Variants in PIK3R3 observed in about 807,000 individuals in gnomAD.
PIK3R3 encodes phosphatidylinositol 3-kinase regulatory subunit gamma.
PIK3R3 carries 64 observed loss-of-function variants against 62.9 expected under a neutral mutation model. The ratio of observed to expected loss-of-function variants is 1.02; its 90% CI spans 0.83 to 1.25. The LOEUF (loss-of-function observed/expected upper bound fraction) is 1.25. Among genes scored for constraint, PIK3R3 ranks in the 50% most tolerant of loss-of-function variants. The probability of loss-of-function intolerance (pLI) is 0.00; values close to 1 mark genes in which losing one functional copy is unlikely to be tolerated. For missense variants in PIK3R3, 614 were observed against 561.6 expected, an observed-to-expected ratio of 1.09 and a Z score of -0.94; for synonymous variants, 165 against 189.0, an observed-to-expected ratio of 0.87 and a Z score of 1.04.
intron 7 of PIK3R3, among the ~76,000 whole-genome samples, chr1:46,054,900 T>C (rs1005966944): frequency 2.0e-5 from 3 of 152,166 alleles, no homozygotes; most frequent in African/African-American, 7.2e-5. Context: ...AAATAAAGAA[T>C]GTCATTTTGT....
intron 3 of PIK3R3, among the ~76,000 whole-genome samples, chr1:46,068,256 A>G: frequency 6.6e-6 from 1 of 152,236 alleles, no homozygotes; most frequent in East Asian, 1.9e-4. Context: ...CAATAATTGC[A>G]AGCTGGCCTC....
chr1:46,120,724 C>T (rs1203355379), intron 1 of PIK3R3, among the ~76,000 whole-genome samples: 1 of 152,114 alleles, frequency 6.6e-6, no homozygotes, highest in South Asian at 2.1e-4. Flanking sequence ...CAATTCTCTC[C>T]CTCTTCCTCT....
chr1:46,153,596 C>G, the PIK3R3 span, among the ~76,000 whole-genome samples: 1 of 152,222 alleles, frequency 6.6e-6, no homozygotes, highest in Non-Finnish European at 1.5e-5. Flanking sequence ...ACCTGACTTC[C>G]TCCTCTCTTT....
chr1:46,163,882 T>C, the PIK3R3 span, among the ~76,000 whole-genome samples: 7 of 152,302 alleles, frequency 4.6e-5, no homozygotes, highest in Admixed American at 2.0e-4. Context: ...TGGATTCTCT[T>C]TGGGAACAGT....
chr1:46,086,416 T>A (rs1651060137), intron 1 of PIK3R3, among the ~76,000 whole-genome samples: 1 of 152,034 alleles, frequency 6.6e-6, no homozygotes, highest in Non-Finnish European at 1.5e-5. Flanking sequence ...TGATTGCACA[T>A]GTGAATAGCC....
chr1:46,145,931 G>A, the PIK3R3 span, among the ~76,000 whole-genome samples: 1 of 151,938 alleles, frequency 6.6e-6, no homozygotes, highest in Middle Eastern at 3.2e-3. Flanking sequence ...GTTGAGAAGA[G>A]GGAGGTGAGA....
the PIK3R3 span, among the ~76,000 whole-genome samples, chr1:46,146,686 T>TACACACACACACACAC: frequency 5.4e-5 from 5 of 92,880 alleles, no homozygotes; most frequent in African/African-American, 1.3e-4. Context: ...CCTCCAACTC[T>TACACACACACACACAC]ACACACACAC....
chr1:46,083,660 C>A (rs1200141469), intron 1 of PIK3R3, among the ~76,000 whole-genome samples: 1 of 152,006 alleles, frequency 6.6e-6, no homozygotes, highest in Non-Finnish European at 1.5e-5. Flanking sequence ...AAACAAGTGG[C>A]CAATAAGCAC....
chr1:46,113,908 GT>G (rs1376824064), intron 1 of PIK3R3, among the ~76,000 whole-genome samples: 1 of 152,190 alleles, frequency 6.6e-6, no homozygotes, highest in Non-Finnish European at 1.5e-5. Context: ...TATAAAGGTG[GT>G]AGGTAGTACA....
At chr1:46,161,188 G>A in the PIK3R3 span, among the ~76,000 whole-genome samples, 1 of 151,698 alleles carries the variant, frequency 6.6e-6, no homozygotes, top group Non-Finnish European at 1.5e-5. Flanking sequence ...TTGAACTCCT[G>A]GGCTCAAATG....
intron 3 of PIK3R3, among the ~76,000 whole-genome samples, chr1:46,076,067 G>A (rs1650042615): frequency 6.6e-6 from 1 of 152,052 alleles, no homozygotes; most frequent in Admixed American, 6.5e-5. Flanking sequence ...TCACACTGAG[G>A]GGCGATCTTC....
intron 1 of PIK3R3, among the ~76,000 whole-genome samples, chr1:46,091,713 T>A (rs1255125391): frequency 6.6e-6 from 1 of 152,106 alleles, no homozygotes; most frequent in Non-Finnish European, 1.5e-5. Flanking sequence ...ACATATATAA[T>A]CATCCCTCAG....
intron 1 of PIK3R3, 81 bp from the exon 2 acceptor site, chr1:46,080,831 A>G: frequency 1.2e-6 from 1 of 818,164 alleles, no homozygotes; most frequent in Non-Finnish European, 2.1e-6. Context: ...TCACTAACCA[A>G]GGTATGTTAA....
intron 1 of PIK3R3, among the ~76,000 whole-genome samples, chr1:46,109,115 C>T (rs1403537664): frequency 6.7e-6 from 1 of 149,418 alleles, no homozygotes; most frequent in African/African-American, 2.5e-5. Context: ...GCCAAGATCA[C>T]GCCACTGCAC....
At chr1:46,056,894 A>G (rs1214969571) in intron 6 of PIK3R3, 2 of 152,266 alleles carry the variant, frequency 1.3e-5, no homozygotes, top group African/African-American at 2.4e-5. Flanking sequence ...TTTTGCAATT[A>G]GCCTACCTAC....
chr1:46,156,988 C>CA, the PIK3R3 span, among the ~76,000 whole-genome samples: 2 of 152,216 alleles, frequency 1.3e-5, no homozygotes, highest in South Asian at 4.1e-4. Flanking sequence ...GCCCACAGGA[C>CA]TCCTTCTATC....
At chr1:46,105,527 G>A (rs1385233803) in intron 1 of PIK3R3, among the ~76,000 whole-genome samples, 1 of 151,534 alleles carries the variant, frequency 6.6e-6, no homozygotes, top group Non-Finnish European at 1.5e-5. Context: ...ACAAAAAACA[G>A]CTCATCAGCT....
the PIK3R3 span, among the ~76,000 whole-genome samples, chr1:46,165,974 CT>C: frequency 3.3e-5 from 5 of 150,814 alleles, no homozygotes; most frequent in Admixed American, 6.6e-5. Flanking sequence ...GGGGTTTCAC[CT>C]GTGTTAGCCA....
the PIK3R3 span, among the ~76,000 whole-genome samples, chr1:46,148,774 G>A: frequency 6.9e-6 from 1 of 145,306 alleles, no homozygotes. Context: ...GAGAGAGAGA[G>A]AGACATGAAG....
Sources: gnomAD v4.1 joint callset for allele counts (sites outside exome capture counted in the v4.1 genomes callset) on GRCh38, gnomAD v4.1.1 for gene constraint, MANE v1.5 for transcripts, NCBI Gene and HGNC (gene_info 2026-07-23, HGNC 2026-07-21) for gene names.